FCHSD2: variants seen among roughly 807,000 people sequenced by gnomAD.
FCHSD2 encodes the protein FCH and double SH3 domains 2, also known as F-BAR and double SH3 domains protein 2.
In FCHSD2, 38 loss-of-function variants were observed where a neutral mutation model predicts 108.1. That is an observed-to-expected ratio of 0.35 (90% CI 0.27 to 0.46). The LOEUF is 0.46. Among genes scored for constraint, FCHSD2 ranks in the 20% least tolerant of loss-of-function variants. The pLI is 1.00. For synonymous variants in FCHSD2, 279 were observed against 314.7 expected (o/e 0.89, Z 1.20); for missense variants, 751 against 897.8 (o/e 0.84, Z 2.09).
chr11:72,935,184 GA>G (rs1368418683), intron 8 of FCHSD2, among the ~76,000 whole-genome samples: 1 of 152,110 alleles, frequency 6.6e-6, no homozygotes, highest in Non-Finnish European at 1.5e-5. Context: ...TTACTTACAG[GA>G]AAGTGTAAAT....
At chr11:72,920,014 C>T (rs1216457480) in intron 9 of FCHSD2, among the ~76,000 whole-genome samples, 1 of 151,706 alleles carries the variant, frequency 6.6e-6, no homozygotes, top group Non-Finnish European at 1.5e-5. Flanking sequence ...TTTTTAAAAG[C>T]TTTAAACAAA....
chr11:72,851,766 A>G (rs1861295449), intron 13 of FCHSD2, among the ~76,000 whole-genome samples: 1 of 152,058 alleles, frequency 6.6e-6, no homozygotes, highest in African/African-American at 2.4e-5. Flanking sequence ...AATAGAAAAC[A>G]AAACAAGAAA....
At chr11:73,089,022 G>A (rs1029992444) in intron 2 of FCHSD2, among the ~76,000 whole-genome samples, 8 of 152,068 alleles carry the variant, frequency 5.3e-5, no homozygotes, top group Non-Finnish European at 1.2e-4. Context: ...ATTTTTAGTT[G>A]TTAGTAAAAA....
At chr11:73,082,128 G>A (rs192149530) in intron 3 of FCHSD2, among the ~76,000 whole-genome samples, 30 of 152,120 alleles carry the variant, frequency 2.0e-4, no homozygotes, top group Admixed American at 7.9e-4. Flanking sequence ...ACGTGGTCAA[G>A]AGATTGAGAC....
intron 3 of FCHSD2, among the ~76,000 whole-genome samples, chr11:73,040,820 T>A (rs1858617663): frequency 6.6e-6 from 1 of 152,162 alleles, no homozygotes; most frequent in African/African-American, 2.4e-5. Flanking sequence ...CTAAAACGTA[T>A]TCCTTCTATT....
Position 72,867,935 on chromosome 11 carries a change from A to G in FCHSD2, c.1238T>C (p.Val413Ala). The G allele has an allele frequency of 6.2e-7, 1 of 1,608,280 alleles. No homozygotes were observed. The highest frequency in any genetic ancestry group is 8.5e-7 in the Non-Finnish European group (1 of 1,177,550). Residue 413 changes from valine to alanine, a missense_variant, in exon 13 of 20, where the codon GTA (valine) becomes GCA (alanine). Physicochemically the swap from Val to Ala is moderately conservative, Grantham distance 64. Coordinates refer to ENST00000409418, the MANE Select transcript of FCHSD2 (RefSeq NM_014824.3). ...DTWLKSAMNQVMEELENERWA... is the reference protein window; with the variant it reads ...DTWLKSAMNQAMEELENERWA... ...TCGCTCATTTTCCAGTTCTTCCATT[A>G]CTTGGTTCATGGCACTCTTTAGCCA...
intron 3 of FCHSD2, among the ~76,000 whole-genome samples, chr11:73,048,643 G>A (rs909328176): frequency 6.6e-6 from 1 of 152,104 alleles, no homozygotes; most frequent in Non-Finnish European, 1.5e-5. Context: ...CCGGAAGTAC[G>A]AAAAAGCTGG....
intron 12 of FCHSD2, among the ~76,000 whole-genome samples, chr11:72,872,804 T>A (rs970700314): frequency 6.6e-5 from 10 of 152,206 alleles, no homozygotes; most frequent in African/African-American, 2.4e-4. Context: ...TTTGGGTTTA[T>A]ATGTAGGGCT....
intron 8 of FCHSD2, among the ~76,000 whole-genome samples, chr11:72,981,071 C>T (rs1422354650): frequency 6.6e-6 from 1 of 152,118 alleles, no homozygotes; most frequent in African/African-American, 2.4e-5. Context: ...TACTAAGTAG[C>T]TAACAGCATG....
At chr11:72,971,969 T>C (rs192582257) in intron 8 of FCHSD2, among the ~76,000 whole-genome samples, 1 of 152,308 alleles carries the variant, frequency 6.6e-6, no homozygotes, top group Non-Finnish European at 1.5e-5. Context: ...ATAGTGACAA[T>C]ATGGTTATAC....
chr11:73,017,123 C>A (rs531437758), intron 3 of FCHSD2, among the ~76,000 whole-genome samples: 64 of 152,254 alleles, frequency 4.2e-4, no homozygotes, highest in African/African-American at 1.5e-3. Context: ...CCTGGGACTA[C>A]AGGCACATGC....
At chr11:73,123,208 T>G (rs1382499068) in intron 2 of FCHSD2, among the ~76,000 whole-genome samples, 2 of 152,214 alleles carry the variant, frequency 1.3e-5, no homozygotes, top group African/African-American at 4.8e-5. Flanking sequence ...CACCAATTAT[T>G]TCACTGACAT....
intron 2 of FCHSD2, among the ~76,000 whole-genome samples, chr11:73,119,710 G>T (rs563031596): frequency 9.9e-5 from 15 of 152,282 alleles, no homozygotes; most frequent in African/African-American, 3.6e-4. Flanking sequence ...GCCTCCCAAA[G>T]TGCTGGGATT....
chr11:73,102,071 TG>T (rs1565411313), intron 2 of FCHSD2, among the ~76,000 whole-genome samples: 7 of 152,308 alleles, frequency 4.6e-5, no homozygotes, highest in African/African-American at 1.2e-4. Context: ...TATGAACAAA[TG>T]ATTTGAATTG....
intron 12 of FCHSD2, among the ~76,000 whole-genome samples, chr11:72,874,548 C>G (rs1854927432): frequency 6.6e-6 from 1 of 152,098 alleles, no homozygotes; most frequent in South Asian, 2.1e-4. Context: ...AAAGAGTGAA[C>G]CAACAAGCTC....
rs1044513794 is a variant in FCHSD2, at chr11:72,887,413, C to T, written c.1146+57G>A. 13 of 1,050,510 alleles carry T rather than the reference C, an allele frequency of 1.2e-5. No individual in the cohort carries two copies. In the African/African-American group the frequency reaches 1.9e-4, roughly 15 times the overall value. The allele number at this position is 1,050,510 out of a possible 1,614,324, so 65.1% of individuals were successfully genotyped here. On this transcript the variant is annotated intron_variant, in intron 12 of 19. Transcript: ENST00000409418. ...AACTCAGTTTTAAAGATGTATATCA[C>T]AGCTGTGACAGTGTCATTAGACCTG...
At position 72,962,600 on chromosome 11, in the gene FCHSD2, C is replaced by CT. The variant is rs1856837745; in HGVS notation, c.705+21487_705+21488insA. On this transcript the variant is annotated intron_variant, in intron 8 of 19. Coordinates refer to ENST00000409418, the MANE Select transcript of FCHSD2 (RefSeq NM_014824.3). ...AACTAAGGATATGAACTAAATTCCCCCTTTTTTTTTTAAACTAAGAATGTT... is the reference window on the plus strand; with the variant it reads ...AACTAAGGATATGAACTAAATTCCCCTCTTTTTTTTTTAAACTAAGAATGTT... Among the ~76,000 whole-genome samples the CT allele has an allele frequency of 8.1e-4, 36 of 44,270 alleles. No homozygotes were observed. The South Asian group carries it at 0.043, about 52-fold the overall frequency. The allele number at this position is 44,270 out of a possible 152,430, so 29.0% of individuals were successfully genotyped here.
intron 9 of FCHSD2, among the ~76,000 whole-genome samples, chr11:72,920,455 T>A (rs1347483771): frequency 6.6e-6 from 1 of 152,134 alleles, no homozygotes; most frequent in Non-Finnish European, 1.5e-5. Context: ...AAAAATTTGA[T>A]CACGGCTGGG....
At chr11:72,880,502 C>A (rs1465752478) in intron 12 of FCHSD2, among the ~76,000 whole-genome samples, 1 of 152,084 alleles carries the variant, frequency 6.6e-6, no homozygotes, top group Non-Finnish European at 1.5e-5. Context: ...GGAAAGGACA[C>A]CCTCTTCAAT....
Sources: allele counts gnomAD v4.1 joint callset (sites outside exome capture counted in the v4.1 genomes callset), GRCh38; gene constraint gnomAD v4.1.1; transcripts MANE v1.5; gene names NCBI Gene and HGNC (gene_info 2026-07-23, HGNC 2026-07-21).